PCMT1: variants seen among roughly 807,000 people sequenced by gnomAD.
PCMT1 encodes protein-L-isoaspartate (D-aspartate) O-methyltransferase.
In PCMT1, 9 loss-of-function variants were observed where a neutral mutation model predicts 29.2. That is an observed-to-expected ratio of 0.31 (90% CI 0.19 to 0.54). The LOEUF is 0.54. Ranked by LOEUF, PCMT1 falls within the 20% of genes least tolerant of loss-of-function variation. The pLI, the probability that PCMT1 is intolerant of heterozygous loss-of-function variation, is 0.95. For missense variants in PCMT1, 184 were observed against 282.2 expected (o/e 0.65, Z 2.49); for synonymous variants, 98 against 97.5 (o/e 1.00, Z -0.03).
At chr6:149,783,432 A>G (rs1271588406) in intron 3 of PCMT1, among the ~76,000 whole-genome samples, 2 of 152,158 alleles carry the variant, frequency 1.3e-5, no homozygotes, top group African/African-American at 2.4e-5. Flanking sequence ...CACCCGTCCC[A>G]CATGTTATTA....
At chr6:149,775,771 T>C (rs1787537166) in intron 3 of PCMT1, among the ~76,000 whole-genome samples, 2 of 152,208 alleles carry the variant, frequency 1.3e-5, no homozygotes, top group South Asian at 4.1e-4. Flanking sequence ...AATTTCAATA[T>C]GTAGACATGT....
At chr6:149,769,500 G>C (rs1471195599) in intron 1 of PCMT1, among the ~76,000 whole-genome samples, 1 of 151,158 alleles carries the variant, frequency 6.6e-6, no homozygotes, top group Non-Finnish European at 1.5e-5. Context: ...TTTTAGTAGA[G>C]ATGGGGTTTC....
chr6:149,764,232 A>C (rs1238277323), intron 1 of PCMT1, among the ~76,000 whole-genome samples: 1 of 152,156 alleles, frequency 6.6e-6, no homozygotes, highest in Admixed American at 6.6e-5. Flanking sequence ...CTAACATCTT[A>C]ATTTGAATAA....
intron 2 of PCMT1, chr6:149,772,067 C>T: frequency 4.4e-6 from 2 of 456,738 alleles, no homozygotes; most frequent in Non-Finnish European, 8.8e-6. Context: ...AACTGCTGAG[C>T]CTTGGCAGTG....
chr6:149,774,223 GCTTTT>G (rs111842426), intron 3 of PCMT1, among the ~76,000 whole-genome samples: 1 of 151,530 alleles, frequency 6.6e-6, no homozygotes, highest in Admixed American at 6.6e-5. Flanking sequence ...AAGAACAATA[GCTTTT>G]CTTTTCTTTT....
intron 1 of PCMT1, among the ~76,000 whole-genome samples, chr6:149,762,096 G>GT (rs550835074): frequency 4.0e-5 from 6 of 150,994 alleles, no homozygotes; most frequent in African/African-American, 9.7e-5. Context: ...TAGTGTTTTT[G>GT]TTTTTTTTCC....
intron 3 of PCMT1, among the ~76,000 whole-genome samples, chr6:149,787,351 A>G (rs571460019): frequency 1.3e-5 from 2 of 150,518 alleles, no homozygotes; most frequent in Admixed American, 6.6e-5. Context: ...GGCTGTTTTC[A>G]TTGATAAAAT....
At chr6:149,767,983 AG>A (rs1472491561) in intron 1 of PCMT1, among the ~76,000 whole-genome samples, 1 of 139,700 alleles carries the variant, frequency 7.2e-6, no homozygotes, top group African/African-American at 2.9e-5. Flanking sequence ...TAGTAGAGAT[AG>A]GGTTTCGCCA....
chr6:149,785,823 G>A (rs1372305774), intron 3 of PCMT1, among the ~76,000 whole-genome samples: 4 of 152,110 alleles, frequency 2.6e-5, no homozygotes, highest in African/African-American at 4.8e-5. Context: ...ACACAGACAC[G>A]GCAACCATCC....
In PCMT1 at chr6:149,763,249, TATATCTATGATATCTATGATATAA is replaced by T. The variant is rs1562399426; in HGVS notation, c.56-7889_56-7866del. Among the ~76,000 whole-genome samples, 22 of 56,636 alleles carry T rather than the reference TATATCTATGATATCTATGATATAA, an allele frequency of 3.9e-4. 6 individuals carry two copies. Among genetic ancestry groups the T allele is most frequent in the African/African-American group, 9.2e-4 (5 of 5,440 alleles). 37.2% of individuals were successfully genotyped at this position (56,636 alleles called of 152,430 possible). On this transcript the variant is annotated intron_variant, in intron 1 of 7. Coordinates refer to ENST00000464889, the MANE Select transcript of PCMT1 (RefSeq NM_001360452.2). ...AAATATCTATGATATCTATGATATA[TATATCTATGATATCTATGATATAA>T]ATATCTATGATATCTATGATATATA...
In PCMT1 at chr6:149,779,407, C is replaced by T. The variant is rs189841743; in HGVS notation, c.192+6238C>T. 7.9e-4 allele frequency among the ~76,000 whole-genome samples: 120 copies of T among 152,224 alleles called. 1 individual carries two copies. The highest frequency in any genetic ancestry group is 6.9e-3 in the East Asian group (36 of 5,180). ...GGATCAGACTTTCTGGACCCTAGTC[C>T]GACTGCGCCAGTGATCACCTTAATA... On this transcript the variant is annotated intron_variant, in intron 3 of 7. Transcript: ENST00000464889.
intron 1 of PCMT1, chr6:149,765,649 A>G (rs1047591973): frequency 1.1e-5 from 4 of 373,774 alleles, no homozygotes; most frequent in Non-Finnish European, 2.1e-5. Context: ...AATTGACCTT[A>G]TTTTTTTATT....
At chr6:149,787,346 T>C (rs985080680) in intron 3 of PCMT1, among the ~76,000 whole-genome samples, 3 of 149,072 alleles carry the variant, frequency 2.0e-5, no homozygotes, top group Non-Finnish European at 3.0e-5. Context: ...GAGCTGGCTG[T>C]TTTCATTGAT....
At chr6:149,794,355 C>T (rs1788507748) in intron 5 of PCMT1, among the ~76,000 whole-genome samples, 4 of 152,186 alleles carry the variant, frequency 2.6e-5, no homozygotes, top group Admixed American at 2.6e-4. Context: ...AGCGGTGGCT[C>T]ACACCTGTAA....
chr6:149,749,871 G>A lies in PCMT1; in HGVS notation c.-31G>A, dbSNP rs1270650356. ...TGGGCACCGTCGTCGCGCTGAAGGT[G>A]GTTCTGTACCTGCTCCGAGTGTGCT... On this transcript the variant is annotated 5_prime_UTR_variant, in exon 1 of 8. Coordinates refer to ENST00000464889, the MANE Select transcript of PCMT1 (RefSeq NM_001360452.2). 6.2e-7 allele frequency: 1 copy of A among 1,603,146 alleles called. No homozygotes were observed. Among genetic ancestry groups the A allele is most frequent in the Non-Finnish European group, 8.5e-7 (1 of 1,175,140 alleles).
intron 1 of PCMT1, among the ~76,000 whole-genome samples, chr6:149,768,696 G>A (rs888383898): frequency 6.6e-6 from 1 of 151,512 alleles, no homozygotes; most frequent in Admixed American, 6.6e-5. Flanking sequence ...GCATGATCTC[G>A]GCTCACTGCA....
At chr6:149,767,497 G>T (rs1787139358) in intron 1 of PCMT1, among the ~76,000 whole-genome samples, 1 of 152,050 alleles carries the variant, frequency 6.6e-6, no homozygotes, top group Non-Finnish European at 1.5e-5. Flanking sequence ...CTGTCACCCA[G>T]GCTAGGGTGC....
chr6:149,795,612 G>C (rs141965327), intron 5 of PCMT1: 19 of 502,672 alleles, frequency 3.8e-5, no homozygotes, highest in African/African-American at 3.6e-4. Flanking sequence ...AGAGGGAATT[G>C]GTTCCACTGT....
In PCMT1 at chr6:149,762,651, A is replaced by ATATC. The variant is rs68191825; in HGVS notation, c.56-8508_56-8507insCTAT. 1.5e-3 allele frequency among the ~76,000 whole-genome samples: 5 copies of ATATC among 3,260 alleles called. 1 individual carries two copies. The highest frequency in any genetic ancestry group is 3.0e-3 in the African/African-American group (1 of 332). The allele number at this position is 3,260 out of a possible 152,430, so 2.1% of individuals were successfully genotyped here. On this transcript the variant is annotated intron_variant, in intron 1 of 7. Transcript: ENST00000464889. ...TGATATATATATATCTATGATATAT[A>ATATC]TATGATATATATATCTATGATATAT...
Sources: allele counts gnomAD v4.1 joint callset (sites outside exome capture counted in the v4.1 genomes callset), GRCh38; gene constraint gnomAD v4.1.1; transcripts MANE v1.5; gene names NCBI Gene and HGNC (gene_info 2026-07-23, HGNC 2026-07-21).